Variants in LMO7 observed in about 807,000 individuals in gnomAD.
LMO7 encodes LIM domain 7, also known as LIM domain only protein 7.
A neutral mutation model predicts 206.5 loss-of-function variants in LMO7; 120 were observed. The ratio of observed to expected loss-of-function variants is 0.58; its 90% confidence interval spans 0.50 to 0.68. The LOEUF (loss-of-function observed/expected upper bound fraction) is 0.68. Ranked by LOEUF, LMO7 falls within the 30% of genes least tolerant of loss-of-function variation. The pLI is 0.00. For missense variants in LMO7, 1,959 were observed against 1,957.9 expected (o/e 1.00, Z -0.01); for synonymous variants, 706 against 681.5 (o/e 1.04, Z -0.56).
At chr13:75,753,929 C>A (rs2047472109) in intron 3 of LMO7, among the ~76,000 whole-genome samples, 1 of 152,134 alleles carries the variant, frequency 6.6e-6, no homozygotes. Flanking sequence ...GACAGGTACA[C>A]TAAAATCCCA....
At chr13:75,839,704 T>C (rs1029611386) in intron 20 of LMO7, 1 of 158,378 alleles carries the variant, frequency 6.3e-6, no homozygotes, top group African/African-American at 2.4e-5. Context: ...TGGGATTTGG[T>C]AGATGTTGTA....
At chr13:75,772,978 G>A (rs1489199273) in intron 4 of LMO7, among the ~76,000 whole-genome samples, 1 of 152,078 alleles carries the variant, frequency 6.6e-6, no homozygotes, top group South Asian at 2.1e-4. Flanking sequence ...AGTAACAAGG[G>A]TTTAGATAAT....
intron 1 of LMO7, among the ~76,000 whole-genome samples, chr13:75,678,165 G>A (rs1370406304): frequency 6.6e-6 from 1 of 152,032 alleles, no homozygotes; most frequent in Non-Finnish European, 1.5e-5. Context: ...CCCAGTAATG[G>A]GATTGCTGGG....
chr13:75,716,972 A>G (rs1340163819), intron 2 of LMO7, among the ~76,000 whole-genome samples: 1 of 149,872 alleles, frequency 6.7e-6, no homozygotes, highest in Admixed American at 6.7e-5. Context: ...GTGGTTAGTC[A>G]GTCTGTACCT....
chr13:75,823,457 T>A (rs4885352), intron 14 of LMO7, 108 bp from the exon 15 acceptor site: 133,912 of 808,628 alleles, frequency 0.17, 13,356 homozygotes, highest in African/African-American at 0.39. Context: ...TATGTTACTG[T>A]GGGAGGTATG....
At chr13:75,737,795 A>AC (rs2046028736) in intron 3 of LMO7, among the ~76,000 whole-genome samples, 4 of 127,100 alleles carry the variant, frequency 3.1e-5, no homozygotes, top group East Asian at 4.3e-4. Flanking sequence ...AAAAAAAAAA[A>AC]AAAAAACTTT....
At chr13:75,657,314 T>TA (rs2038149698) in intron 1 of LMO7, among the ~76,000 whole-genome samples, 1 of 152,188 alleles carries the variant, frequency 6.6e-6, no homozygotes, top group African/African-American at 2.4e-5. Context: ...GGTACTTTAT[T>TA]ACAGCAGCCC....
At chr13:75,751,387 C>T (rs953904005) in intron 3 of LMO7, among the ~76,000 whole-genome samples, 6 of 151,964 alleles carry the variant, frequency 3.9e-5, no homozygotes, top group African/African-American at 9.7e-5. Flanking sequence ...GTTTCGATCT[C>T]CTGACCTTGT....
chr13:75,757,569 C>T (rs2047772895), intron 3 of LMO7, among the ~76,000 whole-genome samples: 2 of 152,082 alleles, frequency 1.3e-5, no homozygotes, highest in Admixed American at 1.3e-4. Flanking sequence ...TAGCCCACTC[C>T]ACCCCACACC....
chr13:75,660,104 C>A (rs2038430593), intron 1 of LMO7, among the ~76,000 whole-genome samples: 1 of 152,176 alleles, frequency 6.6e-6, no homozygotes, highest in Admixed American at 6.5e-5. Context: ...TGTAAAACAA[C>A]TCGGAGTATT....
intron 2 of LMO7, among the ~76,000 whole-genome samples, chr13:75,628,738 CTTCTTTCAATTATTT>C (rs1453756769): frequency 6.6e-6 from 1 of 152,106 alleles, no homozygotes; most frequent in Non-Finnish European, 1.5e-5. Context: ...ATATCTGTTT[CTTCTTTCAATTATTT>C]CCAGCCAACA....
chr13:75,846,904 G>T (rs2060038182), intron 26 of LMO7, among the ~76,000 whole-genome samples: 1 of 151,966 alleles, frequency 6.6e-6, no homozygotes, highest in Non-Finnish European at 1.5e-5. Flanking sequence ...GGTGGCATGT[G>T]CCTGTAATCC....
intron 4 of LMO7, among the ~76,000 whole-genome samples, chr13:75,781,098 T>G (rs2051308725): frequency 1.0e-5 from 1 of 96,754 alleles, no homozygotes; most frequent in Admixed American, 9.7e-5. Flanking sequence ...CTATTTTCCT[T>G]TTTTTTTTTT....
At position 75,731,253 on chromosome 13, in the gene LMO7, T is replaced by C. The variant is rs567267122; in HGVS notation, c.210+4155T>C. Among the ~76,000 whole-genome samples the C allele has an allele frequency of 2.2e-3, 338 of 152,284 alleles. 3 individuals are homozygous for C. The highest frequency in any genetic ancestry group is 7.8e-3 in the African/African-American group (322 of 41,542). ...GTGTTAAAGTCTCCCATTACTATTG[T>C]GTGGGAGTCTAAGTCTCTTTGTTGG... On this transcript the variant is annotated intron_variant, in intron 3 of 30. Coordinates refer to ENST00000377534, the MANE Select transcript of LMO7 (RefSeq NM_001306080.2).
At position 75,834,226 on chromosome 13, in the gene LMO7, G is replaced by A. The variant is rs1423472121; in HGVS notation, c.3065G>A (p.Gly1022Asp). The A allele has an allele frequency of 1.9e-6, 3 of 1,576,236 alleles. No individual in the cohort carries two copies. The highest frequency in any genetic ancestry group is 1.7e-6 in the Non-Finnish European group (2 of 1,160,772). The change falls in exon 17 of 31, where the codon GGT becomes GAT. Residue 1022 changes from glycine (G) to aspartate (D), a missense_variant and splice_region_variant. Coordinates refer to ENST00000377534, the MANE Select transcript of LMO7 (RefSeq NM_001306080.2). ...TGGTTAATTTATTTTGCATTTTTAG[G>A]TAGCCCAGCAGAATTTTCTCAGCTA... ...PGIFVASVEA[G>D]SPAEFSQLQV...
At chr13:75,815,980 C>T (rs939321884) in intron 11 of LMO7, among the ~76,000 whole-genome samples, 3 of 152,164 alleles carry the variant, frequency 2.0e-5, no homozygotes, top group African/African-American at 7.2e-5. Context: ...TTACAGTTTA[C>T]AAAATCCCTT....
chr13:75,635,038 CAAA>C (rs974867255), upstream of LMO7, among the ~76,000 whole-genome samples: 2 of 137,100 alleles, frequency 1.5e-5, no homozygotes, highest in African/African-American at 5.2e-5. Flanking sequence ...CAAAACAAAA[CAAA>C]AACAAACAGA....
intron 2 of LMO7, among the ~76,000 whole-genome samples, chr13:75,624,803 G>C (rs2138682400): frequency 6.6e-6 from 1 of 152,256 alleles, no homozygotes; most frequent in South Asian, 2.1e-4. Flanking sequence ...CTCCCACCAG[G>C]TTCCTCCCAT....
chr13:75,759,471 TG>T (rs1361540585), intron 3 of LMO7, among the ~76,000 whole-genome samples: 12 of 152,218 alleles, frequency 7.9e-5, no homozygotes, highest in African/African-American at 2.7e-4. Context: ...GCCAATAAAT[TG>T]TGTCTCCTTT....
Sources: allele counts gnomAD v4.1 joint callset (sites outside exome capture counted in the v4.1 genomes callset), GRCh38; gene constraint gnomAD v4.1.1; transcripts MANE v1.5; gene names NCBI Gene and HGNC (gene_info 2026-07-23, HGNC 2026-07-21).